The following CDK14 variants were observed in gnomAD, a reference collection of about 807,000 sequenced individuals.
CDK14 encodes cyclin-dependent kinase 14.
CDK14 carries 34 observed loss-of-function variants against 60.7 expected under a neutral mutation model. The ratio of observed to expected loss-of-function variants is 0.56; its 90% CI spans 0.43 to 0.75. The LOEUF is 0.75. Ranked by LOEUF, CDK14 falls within the 30% of genes least tolerant of loss-of-function variation. The pLI is 0.00. For missense variants in CDK14, 482 were observed against 564.1 expected (o/e 0.85, Z 1.47); for synonymous variants, 197 against 203.7 (o/e 0.97, Z 0.28).
intron 9 of CDK14, among the ~76,000 whole-genome samples, chr7:90,978,225 A>G (rs1268850085): frequency 2.0e-5 from 3 of 152,180 alleles, no homozygotes; most frequent in Non-Finnish European, 4.4e-5. Flanking sequence ...TAATGTGGAT[A>G]CAGACATGAT....
At chr7:90,944,116 G>A (rs904907309) in intron 8 of CDK14, among the ~76,000 whole-genome samples, 2 of 152,124 alleles carry the variant, frequency 1.3e-5, no homozygotes, top group Admixed American at 6.5e-5. Flanking sequence ...ACAACATGAT[G>A]ACACAATACC....
chr7:90,892,719 A>C (rs993226592), intron 6 of CDK14, among the ~76,000 whole-genome samples: 3 of 152,200 alleles, frequency 2.0e-5, no homozygotes, highest in Non-Finnish European at 4.4e-5. Flanking sequence ...CTATGTAAAT[A>C]ACCAGATAAA....
chr7:91,180,698 G>A (rs1332990563), intron 14 of CDK14, among the ~76,000 whole-genome samples: 1 of 152,194 alleles, frequency 6.6e-6, no homozygotes, highest in Non-Finnish European at 1.5e-5. Context: ...CGAGGTCAGG[G>A]AGAAGAACCC....
chr7:91,160,944 T>C (rs1801152626), intron 14 of CDK14, among the ~76,000 whole-genome samples: 1 of 152,212 alleles, frequency 6.6e-6, no homozygotes. Flanking sequence ...CACAAATTTA[T>C]ATACAATACA....
At chr7:91,023,024 T>TG (rs1796476345) in intron 10 of CDK14, among the ~76,000 whole-genome samples, 1 of 152,064 alleles carries the variant, frequency 6.6e-6, no homozygotes, top group Admixed American at 6.5e-5. Flanking sequence ...ATTTTTTTTT[T>TG]TTCGTCTAAT....
intron 2 of CDK14, among the ~76,000 whole-genome samples, chr7:90,691,003 CTATT>C (rs757084572): frequency 1.6e-4 from 24 of 152,116 alleles, no homozygotes; most frequent in Middle Eastern, 6.8e-3. Context: ...CTTAAGTCCT[CTATT>C]TATTTTGTAT....
intron 3 of CDK14, among the ~76,000 whole-genome samples, chr7:90,727,506 T>G (rs1225592468): frequency 6.6e-6 from 1 of 152,202 alleles, no homozygotes; most frequent in Non-Finnish European, 1.5e-5. Flanking sequence ...ATACATTTTT[T>G]CCTACTTTTT....
chr7:90,649,858 CATTG>C (rs1480649873), intron 2 of CDK14, among the ~76,000 whole-genome samples: 2 of 152,096 alleles, frequency 1.3e-5, no homozygotes, highest in Non-Finnish European at 2.9e-5. Flanking sequence ...TCCAGTCTAT[CATTG>C]ATGGACATTT....
In CDK14 at chr7:91,046,006, A is replaced by T. The variant is rs760187378; in HGVS notation, c.1105+46A>T. 7 of 1,244,458 alleles carry T rather than the reference A, an allele frequency of 5.6e-6. No individual in the cohort carries two copies. The Admixed American group carries it at 1.2e-4, about 21-fold the overall frequency. The allele number at this position is 1,244,458 out of a possible 1,614,324, so 77.1% of individuals were successfully genotyped here. ...ATGACTAGGTGCTTCCTATATGCAAAAGGTGAGTATATAAATGTTCCCTCT... is the reference window on the plus strand; with the variant it reads ...ATGACTAGGTGCTTCCTATATGCAATAGGTGAGTATATAAATGTTCCCTCT... On this transcript the variant is annotated intron_variant, in intron 11 of 14. Transcript: ENST00000380050.
chr7:90,826,363 C>T (rs1243299330), intron 5 of CDK14, among the ~76,000 whole-genome samples: 25 of 151,998 alleles, frequency 1.6e-4, no homozygotes, highest in Admixed American at 1.4e-3. Context: ...GGACTACTGG[C>T]GCCCACCCCC....
intron 2 of CDK14, among the ~76,000 whole-genome samples, chr7:90,694,705 G>T (rs2116596010): frequency 6.6e-6 from 1 of 152,268 alleles, no homozygotes; most frequent in Non-Finnish European, 1.5e-5. Context: ...GAATTTGTGT[G>T]CATTAATTAA....
rs58399452 is a variant in CDK14 at position 91,003,421 on chromosome 7, G to A, written c.1041+19180G>A. On this transcript the variant is annotated intron_variant, in intron 10 of 14. Transcript: ENST00000380050. ...TGGCAGCCATGGTGTGTTAGCTAGC[G>A]TATTGGTTTGCCTACTGAAAAAGAG... 1.3e-3 allele frequency among the ~76,000 whole-genome samples: 205 copies of A among 152,184 alleles called. 1 individual carries two copies. Among genetic ancestry groups the A allele is most frequent in the Non-Finnish European group, 1.9e-3 (132 of 68,012 alleles).
chr7:91,160,367 T>C (rs890307445), intron 14 of CDK14, among the ~76,000 whole-genome samples: 3 of 152,106 alleles, frequency 2.0e-5, no homozygotes, highest in Non-Finnish European at 4.4e-5. Flanking sequence ...AATTTATAGA[T>C]ACCTTGGGGA....
chr7:90,942,676 C>T (rs143646763), intron 8 of CDK14, among the ~76,000 whole-genome samples: 1 of 152,184 alleles, frequency 6.6e-6, no homozygotes, highest in African/African-American at 2.4e-5. Flanking sequence ...TTCCCTGAGT[C>T]AGTAAACATC....
At chr7:90,711,882 A>ACGTTTTTTTTTTTTTTTTTTTT (rs1408956904) in intron 2 of CDK14, among the ~76,000 whole-genome samples, 1 of 110,820 alleles carries the variant, frequency 9.0e-6, no homozygotes, top group Non-Finnish European at 1.8e-5. Flanking sequence ...ATAGTCTACT[A>ACGTTTTTTTTTTTTTTTTTTTT]TGTTTTTTTT....
intron 6 of CDK14, among the ~76,000 whole-genome samples, chr7:90,893,528 G>A (rs1792203993): frequency 2.6e-5 from 4 of 152,206 alleles, no homozygotes; most frequent in South Asian, 4.1e-4. Context: ...ATAACCAGCA[G>A]TGCCTTTTGG....
At chr7:90,694,584 G>A (rs573936692) in intron 2 of CDK14, among the ~76,000 whole-genome samples, 3 of 152,120 alleles carry the variant, frequency 2.0e-5, no homozygotes, top group African/African-American at 7.2e-5. Context: ...TCAGATACCA[G>A]ATTTTTACTA....
rs151142960 is a variant in CDK14, at chr7:90,812,197, G to C, written c.544+21545G>C. 5.7e-3 allele frequency among the ~76,000 whole-genome samples: 873 copies of C among 152,310 alleles called. 15 individuals carry two copies. The highest frequency in any genetic ancestry group is 0.02 in the African/African-American group (826 of 41,552). On this transcript the variant is annotated intron_variant, in intron 5 of 14. Coordinates refer to ENST00000380050, the MANE Select transcript of CDK14 (RefSeq NM_001287135.2). ...GTTTATTGTGGCACTATTAGCAATA[G>C]CAAAGACTTGGAACCAACCCAAATA... is the stretch of plus-strand genomic sequence containing the variant.
At chr7:90,706,367 C>T (rs1801895388) in intron 2 of CDK14, among the ~76,000 whole-genome samples, 1 of 152,140 alleles carries the variant, frequency 6.6e-6, no homozygotes, top group South Asian at 2.1e-4. Flanking sequence ...CCATCCATTT[C>T]CACTCTACAT....
Sources: gnomAD v4.1 joint callset for allele counts (sites outside exome capture counted in the v4.1 genomes callset) on GRCh38, gnomAD v4.1.1 for gene constraint, MANE v1.5 for transcripts, NCBI Gene and HGNC (gene_info 2026-07-23, HGNC 2026-07-21) for gene names.